The following CELF6 variants were observed in gnomAD, a reference collection of about 807,000 sequenced individuals.
CELF6 encodes CUGBP Elav-like family member 6, also known as Bruno -like 6, RNA binding protein.
Under a neutral mutation model 53.1 loss-of-function variants are expected in CELF6, and 32 were observed. The ratio of observed to expected loss-of-function variants is 0.60; its 90% CI spans 0.46 to 0.81. CELF6 has a LOEUF of 0.81. Among genes scored for constraint, CELF6 ranks in the 30% least tolerant of loss-of-function variants. CELF6 has a pLI of 0.00. For synonymous variants in CELF6, 291 were observed against 288.8 expected (o/e 1.01, Z -0.08); for missense variants, 539 against 669.5 (o/e 0.81, Z 2.15).
Position 72,319,779 on chromosome 15 carries a change from T to C in CELF6, c.96A>G (p.Leu32=). 3 of 1,575,458 alleles carry C rather than the reference T, an allele frequency of 1.9e-6. No individual in the cohort carries two copies. The highest frequency in any genetic ancestry group is 2.6e-6 in the Non-Finnish European group (3 of 1,159,708). ...TCATGGGTACGGCGGGACCGGGGTT[T>C]AGCCCGCTCATGCCGACGCCGCTGT... is the stretch of plus-strand genomic sequence containing the variant. ...TADSGVGMSG[L]NPGPAVPMKD... Residue 32 remains leucine, a synonymous_variant, in exon 1 of 13, where the codon CTA becomes CTG. Coordinates refer to ENST00000287202, the MANE Select transcript of CELF6 (RefSeq NM_052840.5). This position sits in a 1 kb window ranked among gnomAD's most constrained non-coding sequence, Gnocchi z 5.0.
At position 72,299,522 on chromosome 15, in the gene CELF6, G is replaced by A. The variant is rs1192445873; in HGVS notation, c.394+5224C>T. ...TTACAGGCACACACCACCAAGCCCG[G>A]CTAATTTTTTTGTATTTTAGTAGAG... On this transcript the variant is annotated intron_variant, in intron 3 of 12. Transcript: ENST00000287202. Among the ~76,000 whole-genome samples the A allele has an allele frequency of 9.9e-5, 15 of 151,848 alleles. No homozygotes were observed. The East Asian group carries it at 2.6e-3, about 26-fold the overall frequency.
chr15:72,292,838 G>A (rs1246566791), intron 3 of CELF6, among the ~76,000 whole-genome samples: 1 of 152,170 alleles, frequency 6.6e-6, no homozygotes, highest in Non-Finnish European at 1.5e-5. Flanking sequence ...GACCAGCCTG[G>A]CCAACATGGT....
intron 3 of CELF6, among the ~76,000 whole-genome samples, chr15:72,301,823 G>A (rs1045367652): frequency 1.4e-5 from 2 of 141,154 alleles, no homozygotes; most frequent in Admixed American, 7.9e-5. Flanking sequence ...TGCAAGCTCC[G>A]CCTGCTGGGT....
rs2087913637 is a variant in CELF6, at chr15:72,285,789, G to C, written c.*582C>G. On this transcript the variant is annotated 3_prime_UTR_variant, in exon 13 of 13. Coordinates refer to ENST00000287202, the MANE Select transcript of CELF6 (RefSeq NM_052840.5). ...TTAATTATTTTTAAAAGGGCAGGGT[G>C]GGGGAGTGGCTTAAGAGGGAATGAG... 2.6e-5 allele frequency: 4 copies of C among 152,608 alleles called. No homozygotes were observed. The South Asian group carries it at 6.2e-4, about 24-fold the overall frequency. 9.5% of individuals were successfully genotyped at this position (152,608 alleles called of 1,614,324 possible).
chr15:72,315,545 C>G (rs980079608), intron 2 of CELF6, among the ~76,000 whole-genome samples: 3 of 152,170 alleles, frequency 2.0e-5, no homozygotes, highest in Admixed American at 6.5e-5. Context: ...TGACAAGAGA[C>G]ACCCAAAGCC....
intron 1 of CELF6, among the ~76,000 whole-genome samples, chr15:72,316,741 C>G (rs1230155863): frequency 1.3e-5 from 2 of 152,202 alleles, no homozygotes. Flanking sequence ...AAGCAGCACT[C>G]TCCTCCTTTC....
At chr15:72,302,245 A>G (rs2088167419) in intron 3 of CELF6, among the ~76,000 whole-genome samples, 1 of 152,200 alleles carries the variant, frequency 6.6e-6, no homozygotes, top group South Asian at 2.1e-4. Context: ...TCTCCTGAAT[A>G]TATAGTAGGG....
At chr15:72,292,544 C>T (rs1264539498) in intron 3 of CELF6, among the ~76,000 whole-genome samples, 2 of 152,198 alleles carry the variant, frequency 1.3e-5, no homozygotes, top group African/African-American at 2.4e-5. Context: ...AGATATCATA[C>T]CACATGGACC....
At position 72,285,547 on chromosome 15, in the gene CELF6, C is replaced by T. The variant is rs530754842; in HGVS notation, c.*824G>A. On this transcript the variant is annotated 3_prime_UTR_variant, in exon 13 of 13. Coordinates refer to ENST00000287202, the MANE Select transcript of CELF6 (RefSeq NM_052840.5). The stretch of plus-strand genomic sequence containing the variant: ...GGAAAGGCTCAGGTGGCCAGAACTC[C>T]CTCTTTCTTCCCGCCTGGGGAAGCA... 1.3e-5 allele frequency: 2 copies of T among 152,422 alleles called. No individual in the cohort carries two copies. Among genetic ancestry groups the T allele is most frequent in the Non-Finnish European group, 2.9e-5 (2 of 68,086 alleles). The allele number at this position is 152,422 out of a possible 1,614,324, so 9.4% of individuals were successfully genotyped here.
intron 3 of CELF6, among the ~76,000 whole-genome samples, chr15:72,303,848 GTTTTGTTTTTGT>G (rs147535142): frequency 1.3e-5 from 2 of 151,948 alleles, no homozygotes; most frequent in South Asian, 2.1e-4. Context: ...GTCCTATGTG[GTTTTGTTTTTGT>G]TTTTGTTTTT....
chr15:72,317,285 AAGG>A (rs1419283045), intron 1 of CELF6, among the ~76,000 whole-genome samples: 3 of 152,180 alleles, frequency 2.0e-5, no homozygotes, highest in African/African-American at 7.2e-5. Flanking sequence ...AGAAGGACTG[AAGG>A]AGGAGAAAGT....
chr15:72,303,747 C>A (rs1264639242), intron 3 of CELF6, among the ~76,000 whole-genome samples: 2 of 152,130 alleles, frequency 1.3e-5, no homozygotes, highest in African/African-American at 4.8e-5. Context: ...AGAAAAACAC[C>A]AAGAACTGAC....
At chr15:72,309,211 A>G (rs560532074) in intron 2 of CELF6, among the ~76,000 whole-genome samples, 2 of 152,274 alleles carry the variant, frequency 1.3e-5, no homozygotes, top group South Asian at 4.2e-4. Flanking sequence ...CTATGCCCAG[A>G]CAGGAAAGGG....
Position 72,289,323 on chromosome 15 carries a change from C to T in CELF6, c.881-36G>A, listed in dbSNP as rs767328550. ...AAAAGGTCTGAGAGTCAGGCCGCCACCCCGCCCCGCCCGGCCCCTCCCAGG... is the reference window on the plus strand; with the variant it reads ...AAAAGGTCTGAGAGTCAGGCCGCCATCCCGCCCCGCCCGGCCCCTCCCAGG... On this transcript the variant is annotated intron_variant, in intron 7 of 12. Transcript: ENST00000287202. This position sits in a 1 kb window ranked among gnomAD's most constrained non-coding sequence, Gnocchi z 7.6. 2.0e-6 allele frequency: 3 copies of T among 1,536,422 alleles called. No individual in the cohort carries two copies. The South Asian group carries it at 3.6e-5, about 18-fold the overall frequency.
In CELF6 at chr15:72,289,285, C is replaced by A. The variant is rs1288191358; in HGVS notation, c.883G>T (p.Ala295Ser). Residue 295 changes from alanine (A) to serine (S), a missense_variant and splice_region_variant, in exon 8 of 13, where the codon GCC (alanine) becomes TCC (serine). Ala to Ser is a moderately conservative substitution (Grantham distance 99). Around this residue, in one of 3 missense-constraint regions of CELF6, gnomAD observed 358 missense variants for 412.8 expected, o/e 0.87. Transcript: ENST00000287202. This position sits in a 1 kb window ranked among gnomAD's most constrained non-coding sequence, Gnocchi z 7.6. The part of the protein sequence containing the change: ...VAAPLLPAAA[A>S]NSPPGSGPGT... ...GGGCCGCTGCCAGGCGGGGAGTTGG[C>A]TGCTGATGGCGGAAAAGGTCTGAGA... The A allele has an allele frequency of 6.4e-7, 1 of 1,568,666 alleles. No individual in the cohort carries two copies.
intron 2 of CELF6, among the ~76,000 whole-genome samples, chr15:72,315,094 C>T (rs889821893): frequency 2.0e-5 from 3 of 152,188 alleles, no homozygotes; most frequent in Non-Finnish European, 4.4e-5. Context: ...TGGACATAGT[C>T]CCAAGTTTGG....
chr15:72,291,353 A>G (rs1014420641), intron 3 of CELF6, among the ~76,000 whole-genome samples: 3 of 152,194 alleles, frequency 2.0e-5, no homozygotes. Context: ...TCTTCTCTGC[A>G]CCAAGGTAAA....
At chr15:72,291,877 G>A (rs71395074) in intron 3 of CELF6, among the ~76,000 whole-genome samples, 1,815 of 152,316 alleles carry the variant, frequency 0.012, 16 homozygotes, top group East Asian at 0.025. Context: ...TAATGGACTT[G>A]TGGCTGGAAT....
chr15:72,285,597 C>T lies in CELF6; in HGVS notation c.*774G>A. ...AGTGGTTCCACAGGAAAGGCAATCC[C>T]ACTCTTGCTGGCTAGGGGGCCTCCC... On this transcript the variant is annotated 3_prime_UTR_variant, in exon 13 of 13. Transcript: ENST00000287202. 2 of 152,282 alleles carry T rather than the reference C, an allele frequency of 1.3e-5. 1 individual carries two copies. The allele number at this position is 152,282 out of a possible 1,614,324, so 9.4% of individuals were successfully genotyped here. A position where few individuals can be genotyped will look rare whatever the true frequency, so the allele number is the denominator to read the frequency against.
Sources: gnomAD v4.1 joint callset for allele counts (sites outside exome capture counted in the v4.1 genomes callset) on GRCh38, gnomAD v4.1.1 for gene constraint, gnomAD v4.1.1 regional missense constraint, Gnocchi (gnomAD v3.1) non-coding constraint, MANE v1.5 for transcripts, NCBI Gene and HGNC (gene_info 2026-07-23, HGNC 2026-07-21) for gene names.